EML4: variants seen among roughly 807,000 people sequenced by gnomAD.
The protein encoded by EML4 is EMAP like 4.
Under a neutral mutation model 129.0 loss-of-function variants are expected in EML4, and 72 were observed. That is an observed-to-expected ratio of 0.56 (90% CI 0.46 to 0.68). The LOEUF is 0.68. EML4 is among the 30% of genes least tolerant of loss of function. EML4 has a pLI of 0.00. For missense variants in EML4, 1,363 were observed against 1,190.6 expected, an observed-to-expected ratio of 1.14 and a Z score of -2.13; for synonymous variants, 532 against 405.0, an observed-to-expected ratio of 1.31 and a Z score of -3.77.
chr2:42,321,216 T>C, intron 19 of EML4, among the ~76,000 whole-genome samples: 1 of 151,874 alleles, frequency 6.6e-6, no homozygotes, highest in East Asian at 1.9e-4. Context: ...ACCCCATCTC[T>C]ACTAAAAATA....
chr2:42,228,211 ACT>A (rs900718793), intron 1 of EML4, among the ~76,000 whole-genome samples: 4 of 133,196 alleles, frequency 3.0e-5, no homozygotes, highest in Admixed American at 1.5e-4. Context: ...ACAGGGAGAG[ACT>A]CTGTCTCAAA....
At position 42,326,262 on chromosome 2, in the gene EML4, T is replaced by C. The variant is rs2103837240; in HGVS notation, c.2341+10T>C. On this transcript the variant is annotated intron_variant, in intron 21 of 22. Coordinates refer to ENST00000318522, the MANE Select transcript of EML4 (RefSeq NM_019063.5). Reference sequence around the variant, plus strand: ...GGATTTCAAGTATTTGGTAAGGAAATGACACCTGATGTAAAGAAGTGGTTT... The same window carrying C: ...GGATTTCAAGTATTTGGTAAGGAAACGACACCTGATGTAAAGAAGTGGTTT... The C allele has an allele frequency of 6.3e-7, 1 of 1,575,206 alleles. No homozygotes were observed. Among genetic ancestry groups the C allele is most frequent in the South Asian group, 1.1e-5 (1 of 87,890 alleles).
intron 13 of EML4, among the ~76,000 whole-genome samples, chr2:42,296,442 A>C (rs1667957281): frequency 6.7e-6 from 1 of 150,320 alleles, no homozygotes; most frequent in Non-Finnish European, 1.5e-5. Flanking sequence ...TTGTTCATTC[A>C]CCTCCCCTAA....
chr2:42,214,276 TA>T (rs906718157), intron 1 of EML4, among the ~76,000 whole-genome samples: 1 of 152,176 alleles, frequency 6.6e-6, no homozygotes, highest in African/African-American at 2.4e-5. Context: ...ATCCAAAGTA[TA>T]AAAAATTAAT....
At chr2:42,200,162 A>C (rs1057149857) in intron 1 of EML4, among the ~76,000 whole-genome samples, 1 of 150,788 alleles carries the variant, frequency 6.6e-6, no homozygotes, top group African/African-American at 2.4e-5. Context: ...ACAAAAAAAA[A>C]AAAAAAAAAA....
intron 1 of EML4, among the ~76,000 whole-genome samples, chr2:42,233,864 T>C (rs1426881269): frequency 1.3e-5 from 2 of 152,250 alleles, no homozygotes; most frequent in East Asian, 1.9e-4. Context: ...CTTGCTACTT[T>C]GTATACACAT....
chr2:42,277,635 C>G (rs548723938), intron 6 of EML4, among the ~76,000 whole-genome samples: 2 of 145,932 alleles, frequency 1.4e-5, no homozygotes, highest in South Asian at 2.1e-4. Context: ...GTGGCGTGAT[C>G]TCGGCTCACT....
intron 1 of EML4, among the ~76,000 whole-genome samples, chr2:42,173,808 C>T (rs1339922243): frequency 6.6e-6 from 1 of 152,170 alleles, no homozygotes; most frequent in Non-Finnish European, 1.5e-5. Flanking sequence ...TGTACCACTG[C>T]ACTCCACTGG....
chr2:42,239,135 A>G (rs535644451), intron 1 of EML4, among the ~76,000 whole-genome samples: 4 of 152,356 alleles, frequency 2.6e-5, no homozygotes, highest in African/African-American at 9.6e-5. Context: ...GTAGTAATTA[A>G]TATTCTAAAT....
intron 1 of EML4, among the ~76,000 whole-genome samples, chr2:42,204,992 A>G (rs1013763989): frequency 2.6e-5 from 4 of 152,166 alleles, no homozygotes; most frequent in African/African-American, 7.2e-5. Context: ...ATAAATATTC[A>G]TCTCTTAATC....
At chr2:42,201,445 C>G (rs945083845) in intron 1 of EML4, among the ~76,000 whole-genome samples, 15 of 152,170 alleles carry the variant, frequency 9.9e-5, no homozygotes, top group African/African-American at 3.6e-4. Context: ...TCTAATAGAA[C>G]TTTAAAAAGT....
chr2:42,287,602 A>G (rs1272335398), intron 10 of EML4, among the ~76,000 whole-genome samples: 1 of 152,202 alleles, frequency 6.6e-6, no homozygotes, highest in Non-Finnish European at 1.5e-5. Context: ...AAAAGCATTT[A>G]ATATCATCTA....
At chr2:42,175,776 G>C (rs1274273087) in intron 1 of EML4, among the ~76,000 whole-genome samples, 1 of 152,122 alleles carries the variant, frequency 6.6e-6, no homozygotes, top group East Asian at 1.9e-4. Flanking sequence ...TGGGATTAGA[G>C]GTGTGAGTCA....
At chr2:42,278,542 C>G (rs1379511356) in intron 6 of EML4, among the ~76,000 whole-genome samples, 10 of 140,246 alleles carry the variant, frequency 7.1e-5, no homozygotes, top group Non-Finnish European at 1.5e-5. Context: ...CGACTGCACT[C>G]CAGCCTGGGT....
intron 10 of EML4, 23 bp from the exon 11 acceptor site, chr2:42,288,204 G>A (rs764181101): frequency 7.8e-6 from 8 of 1,026,522 alleles, no homozygotes; most frequent in Non-Finnish European, 1.2e-5. Context: ...ATTTTAAAAT[G>A]CCTCTGATTG....
At chr2:42,268,510 T>G (rs11694171) in intron 6 of EML4, among the ~76,000 whole-genome samples, 42,179 of 151,984 alleles carry the variant, frequency 0.28, 6,401 homozygotes, top group East Asian at 0.57. Context: ...CGATCATAAC[T>G]CACTGCAGCC....
intron 22 of EML4, 84 bp from the exon 23 acceptor site, chr2:42,329,637 AGCTGAGTTTACCC>A: frequency 1.0e-6 from 1 of 953,256 alleles, no homozygotes; most frequent in Admixed American, 2.2e-5. Context: ...CCATTTCACA[AGCTGAGTTTACCC>A]CCCTTACGTA....
At chr2:42,234,611 C>G (rs1674543513) in intron 1 of EML4, among the ~76,000 whole-genome samples, 1 of 152,170 alleles carries the variant, frequency 6.6e-6, no homozygotes, top group Non-Finnish European at 1.5e-5. Flanking sequence ...ATGTGATAAA[C>G]ATTTGCCTAC....
chr2:42,242,413 T>C (rs1335545281), intron 1 of EML4, among the ~76,000 whole-genome samples: 2 of 152,160 alleles, frequency 1.3e-5, no homozygotes, highest in Non-Finnish European at 2.9e-5. Context: ...TTGGAGCAGC[T>C]CTCAGAATTG....
Sources: allele counts gnomAD v4.1 joint callset (sites outside exome capture counted in the v4.1 genomes callset), GRCh38; gene constraint gnomAD v4.1.1; transcripts MANE v1.5; gene names NCBI Gene and HGNC (gene_info 2026-07-23, HGNC 2026-07-21).